Variants in STXBP4 observed in about 807,000 individuals in gnomAD.
STXBP4 encodes the protein syntaxin-binding protein 4.
Under a neutral mutation model 76.1 loss-of-function variants are expected in STXBP4, and 55 were observed. The observed-to-expected ratio is 0.72, with a 90% CI of 0.58 to 0.91. The LOEUF is 0.91. Ranked by LOEUF, STXBP4 falls within the 40% of genes least tolerant of loss-of-function variation. The pLI, the probability that STXBP4 is intolerant of heterozygous loss-of-function variation, is 0.00. For missense variants in STXBP4, 618 were observed against 636.9 expected (o/e 0.97, Z 0.32); for synonymous variants, 201 against 220.2 (o/e 0.91, Z 0.77).
chr17:55,093,306 A>G lies in STXBP4; in HGVS notation c.1489+12123A>G, dbSNP rs377151800. ...CACCCAGCCAAAACTGTGTTTCTTT[A>G]ATGAAAGTCAGCTATACTATTAATA... On this transcript the variant is annotated intron_variant, in intron 16 of 17. Transcript: ENST00000376352. 3.3e-5 allele frequency among the ~76,000 whole-genome samples: 5 copies of G among 152,268 alleles called. No individual in the cohort carries two copies. The South Asian group carries it at 1.0e-3, about 32-fold the overall frequency.
chr17:55,029,750 T>C (rs1294933462), intron 8 of STXBP4, among the ~76,000 whole-genome samples: 3 of 152,120 alleles, frequency 2.0e-5, no homozygotes, highest in Non-Finnish European at 4.4e-5. Flanking sequence ...ATATACCCTA[T>C]ACATACTTCT....
intron 16 of STXBP4, among the ~76,000 whole-genome samples, chr17:55,119,065 C>A (rs1358625433): frequency 6.6e-6 from 1 of 151,680 alleles, no homozygotes; most frequent in East Asian, 1.9e-4. Flanking sequence ...ATTAACTCGT[C>A]ATTTACATTA....
At chr17:55,045,215 G>C (rs1235104409) in intron 11 of STXBP4, among the ~76,000 whole-genome samples, 1 of 151,870 alleles carries the variant, frequency 6.6e-6, no homozygotes, top group Non-Finnish European at 1.5e-5. Flanking sequence ...ACTACTATAA[G>C]AGTATTTTAT....
At chr17:54,980,058 A>G (rs1168433829) in intron 1 of STXBP4, among the ~76,000 whole-genome samples, 1 of 152,158 alleles carries the variant, frequency 6.6e-6, no homozygotes, top group Non-Finnish European at 1.5e-5. Context: ...GTAAAATGCA[A>G]TTGTATGTAA....
At chr17:55,039,306 C>CA (rs1482121855) in intron 10 of STXBP4, among the ~76,000 whole-genome samples, 1 of 147,102 alleles carries the variant, frequency 6.8e-6, no homozygotes, top group Non-Finnish European at 1.5e-5. Flanking sequence ...TTAGCATAAA[C>CA]AAAAAAATTA....
downstream of STXBP4, among the ~76,000 whole-genome samples, chr17:55,177,996 C>T (rs992194423): frequency 8.5e-5 from 13 of 152,328 alleles, no homozygotes; most frequent in Middle Eastern, 3.4e-3. Flanking sequence ...TGCGTCCTCC[C>T]TCTCCCTGGG....
intron 8 of STXBP4, among the ~76,000 whole-genome samples, chr17:55,010,963 T>C (rs1255178455): frequency 1.3e-5 from 2 of 152,228 alleles, no homozygotes; most frequent in Non-Finnish European, 2.9e-5. Context: ...AACTTTTTGT[T>C]TTACTTTTTT....
chr17:55,185,249 C>CT, the STXBP4 span, among the ~76,000 whole-genome samples: 1,512 of 47,942 alleles, frequency 0.032, 135 homozygotes, highest in African/African-American at 0.12. Context: ...TCTTCTTCTT[C>CT]TCCTTCTCCT....
chr17:55,129,911 A>G (rs552611898), intron 16 of STXBP4, among the ~76,000 whole-genome samples: 83 of 152,298 alleles, frequency 5.4e-4, no homozygotes, highest in African/African-American at 2.0e-3. Flanking sequence ...CAAAGAGATT[A>G]TCCTGGTGGG....
intron 8 of STXBP4, among the ~76,000 whole-genome samples, chr17:55,028,028 G>A (rs1351011752): frequency 6.6e-6 from 1 of 151,730 alleles, no homozygotes; most frequent in Non-Finnish European, 1.5e-5. Flanking sequence ...GTTCAAAAGG[G>A]GTTTTTATAT....
chr17:55,043,691 A>AT (rs1055295126), intron 11 of STXBP4: 65 of 1,527,268 alleles, frequency 4.3e-5, no homozygotes, highest in Admixed American at 4.0e-5. Flanking sequence ...TGGGAAATAC[A>AT]TTTTTTTTCA....
intron 16 of STXBP4, among the ~76,000 whole-genome samples, chr17:55,109,550 A>G (rs538664969): frequency 6.6e-6 from 1 of 152,014 alleles, no homozygotes; most frequent in South Asian, 2.1e-4. Flanking sequence ...AAGAGTTCAA[A>G]GTGGTTATGG....
the STXBP4 span, among the ~76,000 whole-genome samples, chr17:55,209,832 C>A: frequency 2.0e-5 from 3 of 152,182 alleles, no homozygotes; most frequent in African/African-American, 4.8e-5. Context: ...CTTCCCTCTT[C>A]CGAGGGGATT....
chr17:55,138,527 T>A (rs1334063610), intron 16 of STXBP4, among the ~76,000 whole-genome samples: 2 of 152,090 alleles, frequency 1.3e-5, no homozygotes. Context: ...AAACAGATGA[T>A]CACTGATGGA....
chr17:55,057,584 A>C (rs1227634983), intron 12 of STXBP4, among the ~76,000 whole-genome samples: 2 of 152,210 alleles, frequency 1.3e-5, no homozygotes, highest in Non-Finnish European at 2.9e-5. Flanking sequence ...ACATGTGCAG[A>C]ACGTGCAGGT....
chr17:55,100,661 A>G (rs960002330), intron 16 of STXBP4, among the ~76,000 whole-genome samples: 3 of 152,174 alleles, frequency 2.0e-5, no homozygotes, highest in Admixed American at 6.5e-5. Flanking sequence ...ATAAAGGGGA[A>G]GAGTCTAAGT....
At chr17:55,087,126 T>C (rs1299427061) in intron 16 of STXBP4, among the ~76,000 whole-genome samples, 1 of 152,140 alleles carries the variant, frequency 6.6e-6, no homozygotes, top group Admixed American at 6.6e-5. Flanking sequence ...TTTTTTGCTG[T>C]TGGTTTTCTG....
At chr17:55,104,300 A>C (rs766713296) in intron 16 of STXBP4, among the ~76,000 whole-genome samples, 1 of 152,168 alleles carries the variant, frequency 6.6e-6, no homozygotes, top group Non-Finnish European at 1.5e-5. Flanking sequence ...GATATGATCC[A>C]TCAATACCTA....
chr17:54,991,114 G>A (rs1002604628), intron 4 of STXBP4, 157 bp downstream of exon 4: 4 of 706,740 alleles, frequency 5.7e-6, no homozygotes, highest in South Asian at 5.1e-5. Context: ...TGCCCTCAAG[G>A]AGCTTTAAAC....
Sources: allele counts gnomAD v4.1 joint callset (sites outside exome capture counted in the v4.1 genomes callset), GRCh38; gene constraint gnomAD v4.1.1; transcripts MANE v1.5; gene names NCBI Gene and HGNC (gene_info 2026-07-23, HGNC 2026-07-21).